Variants in ESPL1 observed in about 807,000 individuals in gnomAD.
The protein encoded by ESPL1 is extra spindle pole bodies like 1, separase.
In ESPL1, 50 loss-of-function variants were observed where a neutral mutation model predicts 217.2. The ratio of observed to expected loss-of-function variants is 0.23; its 90% CI spans 0.18 to 0.29. The LOEUF (loss-of-function observed/expected upper bound fraction) is 0.29. Ranked by LOEUF, ESPL1 falls within the 10% of genes least tolerant of loss-of-function variation. The probability of loss-of-function intolerance (pLI) is 1.00; values close to 1 mark genes in which losing one functional copy is unlikely to be tolerated. For synonymous variants in ESPL1, 994 were observed against 1,081.3 expected, an observed-to-expected ratio of 0.92 and a Z score of 1.58; for missense variants, 1,834 against 2,603.0, an observed-to-expected ratio of 0.70 and a Z score of 6.43.
chr12:53,293,259 T>G lies in ESPL1; in HGVS notation c.6162-14T>G. ...AGAGCCCTTACTTTGTATTTCCTCC[T>G]TTTCTTTTCCCAGCCCCTTGTTTCT... On this transcript the variant is annotated splice_polypyrimidine_tract_variant and intron_variant, in intron 30 of 30. Transcript: ENST00000257934. This position sits in a 1 kb window ranked among gnomAD's most constrained non-coding sequence, Gnocchi z 4.2. The G allele has an allele frequency of 6.2e-7, 1 of 1,609,832 alleles. No individual in the cohort carries two copies. Among genetic ancestry groups the G allele is most frequent in the Non-Finnish European group, 8.5e-7 (1 of 1,176,110 alleles).
At chr12:53,289,901 C>T in intron 22 of ESPL1, 184 bp from the exon 23 acceptor site, 2 of 651,492 alleles carry the variant, frequency 3.1e-6, no homozygotes, top group Non-Finnish European at 5.2e-6. Context: ...GTGAGGGACA[C>T]AAAGTACAAG....
intron 4 of ESPL1, 46 bp downstream of exon 4, chr12:53,270,528 GGGGTTGCTCCACTGCCCTCAAACAGCT>G (rs1398296735): frequency 9.0e-6 from 3 of 334,822 alleles, no homozygotes. Context: ...CATAGGGTTT[GGGGTTGCTCCACTGCCCTCAAACAGCT>G]TTGGGGTTGC....
intron 11 of ESPL1, 45 bp from the exon 12 acceptor site, chr12:53,279,687 G>C: frequency 6.2e-7 from 1 of 1,612,930 alleles, no homozygotes; most frequent in Non-Finnish European, 8.5e-7. Flanking sequence ...TAGAAATAGA[G>C]GCTTGAGCAG....
rs149483310 is a variant in ESPL1, at chr12:53,285,028, GAAGAAAGA to G, written c.3187+874_3188-876del. On this transcript the variant is annotated intron_variant, in intron 17 of 30. Coordinates refer to ENST00000257934, the MANE Select transcript of ESPL1 (RefSeq NM_012291.5). ...TCTGACTCAAAAAAAAAAAAAAAAAGAAGAAAGAAAGAAAGAAAGATAATATTTAGAAT... is the reference window on the plus strand; with the variant it reads ...TCTGACTCAAAAAAAAAAAAAAAAAGAAGAAAGAAAGATAATATTTAGAAT... 4.2e-3 allele frequency among the ~76,000 whole-genome samples: 477 copies of G among 114,832 alleles called. 65 individuals carry two copies. Among genetic ancestry groups the G allele is most frequent in the Non-Finnish European group, 4.7e-3 (262 of 55,340 alleles). 75.3% of individuals were successfully genotyped at this position (114,832 alleles called of 152,430 possible).
Position 53,293,074 on chromosome 12 carries a change from C to T in ESPL1, c.6161+104C>T. 2 of 1,194,480 alleles carry T rather than the reference C, an allele frequency of 1.7e-6. No homozygotes were observed. The highest frequency in any genetic ancestry group is 2.4e-5 in the East Asian group (1 of 40,840). The allele number at this position is 1,194,480 out of a possible 1,614,324, so 74.0% of individuals were successfully genotyped here. ...CTTGCCTCTCTTGTGCCCCATTTTC[C>T]TCCTATCCTAGTTAGTTCCCTGGCA... On this transcript the variant is annotated intron_variant, in intron 30 of 30. Coordinates refer to ENST00000257934, the MANE Select transcript of ESPL1 (RefSeq NM_012291.5). This position sits in a 1 kb window ranked among gnomAD's most constrained non-coding sequence, Gnocchi z 4.2.
chr12:53,283,726 A>G (rs1592489824), intron 16 of ESPL1, among the ~76,000 whole-genome samples, 188 bp downstream of exon 16: 1 of 152,024 alleles, frequency 6.6e-6, no homozygotes, highest in South Asian at 2.1e-4. Flanking sequence ...TTCCTGTAGG[A>G]CTCTCGTGTC....
At chr12:53,287,859 TC>T in intron 18 of ESPL1, 112 bp from the exon 19 acceptor site, 1 of 1,070,524 alleles carries the variant, frequency 9.3e-7, no homozygotes, top group East Asian at 2.4e-5. Flanking sequence ...TCTGAAATCT[TC>T]CAGGGTCCTG....
chr12:53,284,927 G>A (rs1592490805), intron 17 of ESPL1, among the ~76,000 whole-genome samples: 1 of 144,824 alleles, frequency 6.9e-6, no homozygotes. Flanking sequence ...CAGGAGAATA[G>A]CTTGAACCTG....
Position 53,270,700 on chromosome 12 carries a change from C to T in ESPL1, c.1271C>T (p.Thr424Ile). 1.2e-6 allele frequency: 2 copies of T among 1,614,106 alleles called. No homozygotes were observed. Among genetic ancestry groups the T allele is most frequent in the Non-Finnish European group, 8.5e-7 (1 of 1,179,996 alleles). ...GCQIVDLADL[T>I]QLVDSCKSTV... The stretch of plus-strand genomic sequence containing the variant: ...CAGATAGTTGATTTGGCTGACCTGA[C>T]CCAACTAGTGGACAGTTGTAAATCT... Residue 424 changes from threonine to isoleucine, a missense_variant, in exon 5 of 31, where the codon ACC (threonine) becomes ATC (isoleucine). Physicochemically the swap from Thr to Ile is moderately conservative, Grantham distance 89. Around this residue, in one of 5 missense-constraint regions of ESPL1, gnomAD observed 746 missense variants for 1,077.0 expected, o/e 0.69. Coordinates refer to ENST00000257934, the MANE Select transcript of ESPL1 (RefSeq NM_012291.5).
Position 53,281,266 on chromosome 12 carries a change from T to C in ESPL1, c.2500-241T>C, listed in dbSNP as rs140067139. Among the ~76,000 whole-genome samples the C allele has an allele frequency of 7.4e-3, 1,113 of 150,858 alleles. 11 individuals are homozygous for C. The highest frequency in any genetic ancestry group is 0.026 in the African/African-American group (1,054 of 41,078). ...GATTCTCATGCCTCAGCCTCCCGAG[T>C]AGCTGGGATTACAGGCGCGTGCCAC... On this transcript the variant is annotated intron_variant, in intron 12 of 30. Coordinates refer to ENST00000257934, the MANE Select transcript of ESPL1 (RefSeq NM_012291.5).
intron 24 of ESPL1, 40 bp downstream of exon 24, chr12:53,290,509 T>G (rs374232604): frequency 8.1e-6 from 13 of 1,607,512 alleles, no homozygotes; most frequent in Non-Finnish European, 1.0e-5. Flanking sequence ...GCTCTAGGAA[T>G]GACCCGGGGG....
At chr12:53,276,229 G>A (rs1943763532) in intron 7 of ESPL1, among the ~76,000 whole-genome samples, 1 of 152,074 alleles carries the variant, frequency 6.6e-6, no homozygotes, top group African/African-American at 2.4e-5. Context: ...AAAAAACTCA[G>A]GGAAGAGAAT....
intron 20 of ESPL1, 52 bp from the exon 21 acceptor site, chr12:53,289,038 C>A: frequency 7.1e-7 from 1 of 1,409,324 alleles, no homozygotes; most frequent in Non-Finnish European, 1.0e-6. Context: ...AAGTTCCTAT[C>A]AACTATGAAA....
intron 7 of ESPL1, among the ~76,000 whole-genome samples, chr12:53,275,945 C>G (rs183725521): frequency 6.6e-6 from 1 of 152,196 alleles, no homozygotes; most frequent in East Asian, 1.9e-4. Flanking sequence ...TAGGAAAACC[C>G]TTTTTGAAGA....
intron 10 of ESPL1, 88 bp downstream of exon 10, chr12:53,277,696 G>T: frequency 3.2e-6 from 5 of 1,573,716 alleles, no homozygotes; most frequent in East Asian, 4.5e-5. Context: ...CCCTGACCTT[G>T]TAGGGTAGGA....
At position 53,292,063 on chromosome 12, in the gene ESPL1, T is replaced by C. The variant is rs1361801542; in HGVS notation, c.5771T>C (p.Leu1924Pro). ...ACCCGGCTGCCCTCCTTCCGCTTCC[T>C]ACTCAGCTACTCCATCATCAAAGAG... ...PVTRLPSFRF[L>P]LSYSIIKEYG... is the part of the protein sequence containing the mutation. The change falls in exon 27 of 31, where the codon CTA becomes CCA. Residue 1924 changes from leucine to proline, a missense_variant. By Grantham distance (98) the Leu-to-Pro change is moderately conservative. Transcript: ENST00000257934. This position sits in a 1 kb window ranked among gnomAD's most constrained non-coding sequence, Gnocchi z 4.5. 6.2e-7 allele frequency: 1 copy of C among 1,613,906 alleles called. No individual in the cohort carries two copies.
chr12:53,284,637 C>G (rs1396780768), intron 17 of ESPL1, among the ~76,000 whole-genome samples: 1 of 152,156 alleles, frequency 6.6e-6, no homozygotes, highest in East Asian at 1.9e-4. Context: ...TGGTCTCCCT[C>G]TTTCAGAGAG....
At chr12:53,291,608 G>A (rs910956842) in intron 25 of ESPL1, 82 bp from the exon 26 acceptor site, 109 of 1,439,316 alleles carry the variant, frequency 7.6e-5, no homozygotes, top group Middle Eastern at 2.3e-4. Flanking sequence ...AGAAAACAGG[G>A]AAAGGGAAGA....
chr12:53,275,224 AG>A (rs1236071883), intron 7 of ESPL1, among the ~76,000 whole-genome samples: 1 of 152,200 alleles, frequency 6.6e-6, no homozygotes, highest in Non-Finnish European at 1.5e-5. Flanking sequence ...GCACTTTGGG[AG>A]GCCGAGGCGG....
Sources: gnomAD v4.1 joint callset for allele counts (sites outside exome capture counted in the v4.1 genomes callset) on GRCh38, gnomAD v4.1.1 for gene constraint, gnomAD v4.1.1 regional missense constraint, Gnocchi (gnomAD v3.1) non-coding constraint, MANE v1.5 for transcripts, NCBI Gene and HGNC (gene_info 2026-07-23, HGNC 2026-07-21) for gene names.